TNFRSF19: variants seen among roughly 807,000 people sequenced by gnomAD.
TNFRSF19 encodes tumor necrosis factor receptor superfamily member 19.
In TNFRSF19, 27 loss-of-function variants were observed where a neutral mutation model predicts 46.4. That is an observed-to-expected ratio of 0.58 (90% CI 0.43 to 0.80). TNFRSF19 has a LOEUF of 0.80. Ranked by LOEUF, TNFRSF19 falls within the 30% of genes least tolerant of loss-of-function variation. TNFRSF19 has a pLI of 0.00. For missense variants in TNFRSF19, 511 were observed against 530.8 expected (o/e 0.96, Z 0.37); for synonymous variants, 204 against 205.0 (o/e 1.00, Z 0.04).
At chr13:23,589,790 G>C (rs1314139195) in intron 1 of TNFRSF19, among the ~76,000 whole-genome samples, 1 of 152,202 alleles carries the variant, frequency 6.6e-6, no homozygotes, top group East Asian at 1.9e-4. Context: ...TCCAAACCCA[G>C]ATAAATGGGA....
intron 5 of TNFRSF19, among the ~76,000 whole-genome samples, chr13:23,646,182 G>T (rs2138351457): frequency 6.6e-6 from 1 of 152,266 alleles, no homozygotes; most frequent in Middle Eastern, 3.4e-3. Flanking sequence ...CGGTCAGCGG[G>T]CAGTGATCTT....
At chr13:23,660,898 TAAAGA>T (rs1452033320) in intron 7 of TNFRSF19, among the ~76,000 whole-genome samples, 2 of 152,170 alleles carry the variant, frequency 1.3e-5, no homozygotes, top group African/African-American at 4.8e-5. Context: ...TAGAATTTCT[TAAAGA>T]AGAGAGAGCT....
At chr13:23,648,114 C>T (rs1883434354) in intron 5 of TNFRSF19, among the ~76,000 whole-genome samples, 1 of 152,120 alleles carries the variant, frequency 6.6e-6, no homozygotes, top group Non-Finnish European at 1.5e-5. Context: ...GGCTTTTTCA[C>T]TTCTGTAAAA....
chr13:23,618,370 A>G (rs1456332183), intron 4 of TNFRSF19, among the ~76,000 whole-genome samples: 2 of 152,262 alleles, frequency 1.3e-5, no homozygotes, highest in Non-Finnish European at 2.9e-5. Context: ...AAAGAAATAT[A>G]CAAATGTCCA....
chr13:23,590,347 T>A, intron 2 of TNFRSF19, 95 bp downstream of exon 2: 1 of 773,298 alleles, frequency 1.3e-6, no homozygotes, highest in Admixed American at 3.5e-5. Flanking sequence ...ATTTTTTATT[T>A]TTTTTGAGAC....
intron 5 of TNFRSF19, among the ~76,000 whole-genome samples, chr13:23,655,963 C>CA (rs1197965572): frequency 6.6e-6 from 1 of 152,050 alleles, no homozygotes; most frequent in Non-Finnish European, 1.5e-5. Context: ...ATGACGAACC[C>CA]ATTTCCTAGA....
chr13:23,658,960 A>G, intron 5 of TNFRSF19, 90 bp from the exon 6 acceptor site: 1 of 1,544,974 alleles, frequency 6.5e-7, no homozygotes, highest in Non-Finnish European at 8.9e-7. Flanking sequence ...CAGCATGGGA[A>G]GGCCACTGGT....
At chr13:23,628,180 C>G (rs1387515828) in intron 5 of TNFRSF19, among the ~76,000 whole-genome samples, 1 of 152,180 alleles carries the variant, frequency 6.6e-6, no homozygotes, top group Non-Finnish European at 1.5e-5. Context: ...AGACAATATT[C>G]AAATTCCAGT....
chr13:23,590,373 T>C, intron 2 of TNFRSF19, 121 bp downstream of exon 2: 1 of 595,304 alleles, frequency 1.7e-6, no homozygotes, highest in Non-Finnish European at 2.8e-6. Context: ...CTTGCTCTTT[T>C]GCTCAGGCTG....
intron 5 of TNFRSF19, among the ~76,000 whole-genome samples, chr13:23,631,184 C>T (rs1444556493): frequency 6.6e-6 from 1 of 151,936 alleles, no homozygotes; most frequent in East Asian, 1.9e-4. Flanking sequence ...GACGTATTTG[C>T]TCATTAAAGA....
Position 23,593,852 on chromosome 13 carries a change from C to T in TNFRSF19, c.180+397C>T, listed in dbSNP as rs150621124. Among the ~76,000 whole-genome samples the T allele has an allele frequency of 1.1e-3, 173 of 152,300 alleles. 1 individual carries two copies. The highest frequency in any genetic ancestry group is 3.1e-3 in the African/African-American group (129 of 41,568). On this transcript the variant is annotated intron_variant, in intron 3 of 9. Coordinates refer to ENST00000248484, the MANE Select transcript of TNFRSF19 (RefSeq NM_148957.4). ...AACAACTCTGATCTGCAGCTCCCAGCGAGATCAGTGCAGAAGGCAGGTGTT... is the reference window on the plus strand; with the variant it reads ...AACAACTCTGATCTGCAGCTCCCAGTGAGATCAGTGCAGAAGGCAGGTGTT...
Position 23,668,850 on chromosome 13 carries a change from A to G in TNFRSF19, c.998A>G (p.Asp333Gly). The change falls in exon 9 of 10, where the codon GAC becomes GGC. Residue 333 changes from aspartate to glycine, a missense_variant. Asp to Gly is a moderately conservative substitution (Grantham distance 94, BLOSUM62 -1). This residue lies in a region of TNFRSF19 where 376 missense variants were observed against 372.7 expected (regional missense o/e 1.01). Coordinates refer to ENST00000248484, the MANE Select transcript of TNFRSF19 (RefSeq NM_148957.4). Reference protein sequence around the residue: ...CDSYPELTGEDIHSLNPELES... With the variant: ...CDSYPELTGEGIHSLNPELES... ...TCTTATCCTGAACTCACTGGAGAAG[A>G]CATTCATTCTCTCAATCCAGAACTT... 6.2e-7 allele frequency: 1 copy of G among 1,614,256 alleles called. No homozygotes were observed. The highest frequency in any genetic ancestry group is 8.5e-7 in the Non-Finnish European group (1 of 1,180,056).
At chr13:23,609,059 A>G (rs1880714688) in intron 3 of TNFRSF19, among the ~76,000 whole-genome samples, 1 of 151,896 alleles carries the variant, frequency 6.6e-6, no homozygotes, top group African/African-American at 2.4e-5. Context: ...ATCTCTTCCC[A>G]TTCAGTTCTT....
In TNFRSF19 at chr13:23,673,956, T is replaced by C. The variant is rs1951792630; in HGVS notation, c.*576T>C. 1.3e-5 allele frequency: 2 copies of C among 152,144 alleles called. No homozygotes were observed. Among genetic ancestry groups the C allele is most frequent in the Admixed American group, 1.3e-4 (2 of 15,280 alleles). The allele number at this position is 152,144 out of a possible 1,614,324, so 9.4% of individuals were successfully genotyped here. On this transcript the variant is annotated 3_prime_UTR_variant, in exon 10 of 10. Coordinates refer to ENST00000248484, the MANE Select transcript of TNFRSF19 (RefSeq NM_148957.4). ...GCCCTCATATTGCCTGCCTAAATCTTGGGTTTATTAGATGAAGTTTACTGA... is the reference window on the plus strand; with the variant it reads ...GCCCTCATATTGCCTGCCTAAATCTCGGGTTTATTAGATGAAGTTTACTGA...
chr13:23,588,036 G>A (rs146793093), intron 1 of TNFRSF19, among the ~76,000 whole-genome samples: 21 of 152,272 alleles, frequency 1.4e-4, no homozygotes, highest in African/African-American at 4.6e-4. Context: ...CAATAATAAT[G>A]TCATTAACAT....
At chr13:23,631,563 G>A (rs1882363836) in intron 5 of TNFRSF19, among the ~76,000 whole-genome samples, 2 of 152,214 alleles carry the variant, frequency 1.3e-5, no homozygotes, top group African/African-American at 2.4e-5. Context: ...ATGTCCATGA[G>A]TGTATTTCTG....
chr13:23,617,097 G>A (rs1345579369), intron 4 of TNFRSF19, among the ~76,000 whole-genome samples: 1 of 151,968 alleles, frequency 6.6e-6, no homozygotes, highest in African/African-American at 2.4e-5. Context: ...AAGGAGACGA[G>A]GCACGGAGCC....
At chr13:23,594,456 T>G in intron 3 of TNFRSF19, 1 of 239,864 alleles carries the variant, frequency 4.2e-6, no homozygotes, top group Non-Finnish European at 8.8e-6. Context: ...GAGTAGGTGG[T>G]TTTCCCCTCA....
At chr13:23,646,172 C>T (rs996869142) in intron 5 of TNFRSF19, among the ~76,000 whole-genome samples, 3 of 152,166 alleles carry the variant, frequency 2.0e-5, no homozygotes, top group Admixed American at 6.5e-5. Flanking sequence ...TTTCCCTCCC[C>T]GGTCAGCGGG....
Sources: allele counts gnomAD v4.1 joint callset (sites outside exome capture counted in the v4.1 genomes callset), GRCh38; gene constraint gnomAD v4.1.1; regional missense constraint gnomAD v4.1.1; transcripts MANE v1.5; gene names NCBI Gene and HGNC (gene_info 2026-07-23, HGNC 2026-07-21).